ADGRV1: variants seen among roughly 807,000 people sequenced by gnomAD.
ADGRV1 encodes the protein adhesion G protein-coupled receptor V1.
ADGRV1 carries 359 observed loss-of-function variants against 596.2 expected under a neutral mutation model. That is an observed-to-expected ratio of 0.60 (90% CI 0.55 to 0.66). The LOEUF (loss-of-function observed/expected upper bound fraction) is 0.66. ADGRV1 is among the 30% of genes least tolerant of loss of function. The probability of loss-of-function intolerance (pLI) is 0.00; values close to 1 mark genes in which losing one functional copy is unlikely to be tolerated. For missense variants in ADGRV1, 7,274 were observed against 7,575.6 expected, an observed-to-expected ratio of 0.96 and a Z score of 1.48; for synonymous variants, 2,681 against 2,679.2, an observed-to-expected ratio of 1.00 and a Z score of -0.02.
chr5:90,635,121 C>T lies in ADGRV1; in HGVS notation c.1847C>T (p.Thr616Ile). Reference sequence around the variant, plus strand: ...TGTATTTGTTTATTATAGTTGGAAACTGTGGAGTTGTTAAACATAATTCCT... The same window carrying T: ...TGTATTTGTTTATTATAGTTGGAAATTGTGGAGTTGTTAAACATAATTCCT... Reference protein sequence around the residue: ...NGAHFLVQLETVELLNIIPLI... With the variant: ...NGAHFLVQLEIVELLNIIPLI... Residue 616 changes from threonine (T) to isoleucine (I), a missense_variant, in exon 10 of 90, where the codon ACT becomes ATT. Coordinates refer to ENST00000405460, the MANE Select transcript of ADGRV1 (RefSeq NM_032119.4). 6.3e-7 allele frequency: 1 copy of T among 1,583,376 alleles called. No individual in the cohort carries two copies. The highest frequency in any genetic ancestry group is 8.7e-7 in the Non-Finnish European group (1 of 1,154,116).
At chr5:90,618,036 C>A (rs1264695263) in intron 3 of ADGRV1, 83 bp downstream of exon 3, 3 of 1,107,884 alleles carry the variant, frequency 2.7e-6, no homozygotes, top group Non-Finnish European at 3.8e-6. Flanking sequence ...AACAATCTAT[C>A]TATCTAGAGA....
At chr5:90,753,854 A>G (rs765115383) in intron 54 of ADGRV1, 25 bp downstream of exon 54, 15 of 1,536,250 alleles carry the variant, frequency 9.8e-6, no homozygotes, top group Non-Finnish European at 1.3e-5. Flanking sequence ...ATATCTTTCA[A>G]GTTTTAATGA....
chr5:90,960,923 C>T (rs1445515074), intron 83 of ADGRV1, among the ~76,000 whole-genome samples: 1 of 152,108 alleles, frequency 6.6e-6, no homozygotes, highest in Non-Finnish European at 1.5e-5. Context: ...TGGGTTTTCT[C>T]TCTGAAAATT....
chr5:90,908,341 A>C (rs1016210018), intron 83 of ADGRV1, among the ~76,000 whole-genome samples: 5 of 152,344 alleles, frequency 3.3e-5, no homozygotes, highest in South Asian at 2.1e-4. Context: ...TGGGGTATCC[A>C]TCACCTCAAG....
chr5:90,922,072 T>C (rs7724016), intron 83 of ADGRV1, among the ~76,000 whole-genome samples: 42,260 of 152,074 alleles, frequency 0.28, 6,425 homozygotes, highest in Non-Finnish European at 0.34. Flanking sequence ...TCTATCAGTA[T>C]TGGAGGATAG....
intron 84 of ADGRV1, among the ~76,000 whole-genome samples, chr5:90,967,399 G>T (rs1202995275): frequency 6.6e-6 from 1 of 152,100 alleles, no homozygotes; most frequent in Non-Finnish European, 1.5e-5. Context: ...AAATAAAAGT[G>T]AATTTAAACC....
chr5:90,924,365 A>G (rs1336952681), intron 83 of ADGRV1, among the ~76,000 whole-genome samples: 2 of 151,652 alleles, frequency 1.3e-5, no homozygotes, highest in African/African-American at 2.4e-5. Context: ...TTTGATTTGC[A>G]TTTCTCTGAT....
intron 82 of ADGRV1, among the ~76,000 whole-genome samples, chr5:90,859,619 A>G (rs1160069640): frequency 1.3e-5 from 2 of 151,992 alleles, no homozygotes; most frequent in East Asian, 3.9e-4. Flanking sequence ...AAAATGTGGC[A>G]TATTCTTTCT....
chr5:91,063,067 TC>T (rs1172743080), intron 85 of ADGRV1, among the ~76,000 whole-genome samples: 1 of 143,632 alleles, frequency 7.0e-6, no homozygotes, highest in East Asian at 2.2e-4. Flanking sequence ...CAAGCGATCC[TC>T]CCACTTCACC....
intron 71 of ADGRV1, 83 bp from the exon 72 acceptor site, chr5:90,805,201 G>T: frequency 8.6e-7 from 1 of 1,162,380 alleles, no homozygotes; most frequent in Non-Finnish European, 1.2e-6. Context: ...ATAAACCAAG[G>T]GAAAGTTTAC....
At chr5:90,583,555 TC>T (rs1301354627) in intron 1 of ADGRV1, among the ~76,000 whole-genome samples, 1 of 152,172 alleles carries the variant, frequency 6.6e-6, no homozygotes, top group African/African-American at 2.4e-5. Context: ...CTGGCACACT[TC>T]TTTCAGCATA....
intron 87 of ADGRV1, among the ~76,000 whole-genome samples, chr5:91,107,193 G>GA (rs1554225464): frequency 6.0e-5 from 7 of 116,436 alleles, no homozygotes; most frequent in African/African-American, 2.3e-4. Flanking sequence ...TACAGTTTGA[G>GA]AAAAAAAAGT....
At chr5:90,923,758 C>A (rs1774120833) in intron 83 of ADGRV1, among the ~76,000 whole-genome samples, 1 of 152,068 alleles carries the variant, frequency 6.6e-6, no homozygotes, top group Non-Finnish European at 1.5e-5. Context: ...TTAGTTATAT[C>A]TCCCAGTGCT....
chr5:90,698,337 A>G (rs766456882), intron 34 of ADGRV1, among the ~76,000 whole-genome samples: 11 of 152,168 alleles, frequency 7.2e-5, no homozygotes, highest in Non-Finnish European at 5.9e-5. Context: ...CAGCAGTCCT[A>G]TGATATAGGT....
Position 90,781,593 on chromosome 5 carries a change from C to G in ADGRV1, c.13231+15C>G, listed in dbSNP as rs1393936518. 1.2e-5 allele frequency: 19 copies of G among 1,585,612 alleles called. No individual in the cohort carries two copies. The highest frequency in any genetic ancestry group is 2.7e-5 in the African/African-American group (2 of 73,860). ...TGCCTTCGAAGGTAGGTTCAGTCAG[C>G]TAGCTTGTAAGTAAGTTTACTACCA... On this transcript the variant is annotated intron_variant, in intron 65 of 89. Transcript: ENST00000405460.
At chr5:91,153,198 T>A in intron 88 of ADGRV1, 23 bp from the exon 89 acceptor site, 4 of 1,583,128 alleles carry the variant, frequency 2.5e-6, no homozygotes, top group Non-Finnish European at 3.4e-6. Flanking sequence ...GGTTTCTTTT[T>A]CCCCCCATCC....
chr5:90,790,921 T>C lies in ADGRV1; in HGVS notation c.14092T>C (p.Ser4698Pro), dbSNP rs776799865. The C allele has an allele frequency of 1.2e-6, 2 of 1,612,078 alleles. No homozygotes were observed. The highest frequency in any genetic ancestry group is 2.2e-5 in the South Asian group (2 of 90,974). ...GTTTGACATTACTGAAGACTTTCTT[T>C]CCACCAGTGGATTTTTCACCATTGC... ...SEFDITEDFL[S>P]TSGFFTIADG... The change falls in exon 70 of 90, where the codon TCC (serine) becomes CCC (proline). Residue 4698 changes from serine (S) to proline (P), a missense_variant. Physicochemically the swap from Ser to Pro is moderately conservative, Grantham distance 74. Transcript: ENST00000405460.
intron 84 of ADGRV1, among the ~76,000 whole-genome samples, chr5:90,979,446 A>C (rs1779906510): frequency 6.6e-6 from 1 of 152,158 alleles, no homozygotes; most frequent in African/African-American, 2.4e-5. Flanking sequence ...CTGGGATTGC[A>C]GATGTGAGCT....
chr5:90,726,997 T>C (rs776018083), intron 48 of ADGRV1, among the ~76,000 whole-genome samples: 4 of 152,226 alleles, frequency 2.6e-5, no homozygotes, highest in African/African-American at 4.8e-5. Context: ...TGAAACTTGT[T>C]ACTTCAGTGC....
Sources: allele counts gnomAD v4.1 joint callset (sites outside exome capture counted in the v4.1 genomes callset), GRCh38; gene constraint gnomAD v4.1.1; transcripts MANE v1.5; gene names NCBI Gene and HGNC (gene_info 2026-07-23, HGNC 2026-07-21).